The following TMEM117 variants were observed in gnomAD, a reference collection of about 807,000 sequenced individuals.
TMEM117 encodes transmembrane protein 117.
Under a neutral mutation model 52.4 loss-of-function variants are expected in TMEM117, and 27 were observed. The ratio of observed to expected loss-of-function variants is 0.51; its 90% CI spans 0.38 to 0.71. The LOEUF (loss-of-function observed/expected upper bound fraction) is 0.71, where lower values mean the gene tolerates loss of function less well. TMEM117 is among the 30% of genes least tolerant of loss of function. The pLI, the probability that TMEM117 is intolerant of heterozygous loss-of-function variation, is 0.00. For missense variants in TMEM117, 556 were observed against 630.5 expected (o/e 0.88, Z 1.26); for synonymous variants, 215 against 206.3 (o/e 1.04, Z -0.36).
chr12:44,362,461 A>G (rs191190848), intron 6 of TMEM117, among the ~76,000 whole-genome samples: 1 of 152,278 alleles, frequency 6.6e-6, no homozygotes, highest in East Asian at 1.9e-4. Flanking sequence ...GCCTAGAGCC[A>G]TTTCTACCTG....
chr12:44,320,276 C>A lies in TMEM117; in HGVS notation c.768+20537C>A, dbSNP rs368358227. 2.5e-4 allele frequency among the ~76,000 whole-genome samples: 38 copies of A among 152,228 alleles called. No individual in the cohort carries two copies. In the South Asian group the frequency reaches 6.0e-3, roughly 24 times the overall value. On this transcript the variant is annotated intron_variant, in intron 6 of 7. Transcript: ENST00000266534. ...TTGCCAAATATCTTTTGAATCTGCC[C>A]CTCCTTTAGACTCTTATCACCTATA...
chr12:43,880,888 A>G (rs996983233), intron 2 of TMEM117, among the ~76,000 whole-genome samples: 4 of 152,214 alleles, frequency 2.6e-5, no homozygotes, highest in Admixed American at 2.0e-4. Flanking sequence ...TCAACTTGCC[A>G]TTCTTCATGT....
At chr12:43,952,925 A>G (rs1945247653) in intron 3 of TMEM117, among the ~76,000 whole-genome samples, 1 of 152,220 alleles carries the variant, frequency 6.6e-6, no homozygotes, top group Non-Finnish European at 1.5e-5. Flanking sequence ...AGGGAAGCCC[A>G]TCAGACTAAC....
At chr12:44,353,997 T>G (rs575316360) in intron 6 of TMEM117, among the ~76,000 whole-genome samples, 1 of 152,312 alleles carries the variant, frequency 6.6e-6, no homozygotes, top group South Asian at 2.1e-4. Flanking sequence ...TAGTTCTCCT[T>G]GAAGAGGTCC....
intron 3 of TMEM117, among the ~76,000 whole-genome samples, chr12:44,095,816 A>G (rs1947749723): frequency 6.6e-6 from 1 of 152,148 alleles, no homozygotes; most frequent in African/African-American, 2.4e-5. Context: ...CAAGACAGGG[A>G]TGCCCTCCCT....
chr12:44,289,643 C>G (rs1469323056), intron 5 of TMEM117, among the ~76,000 whole-genome samples: 1 of 149,938 alleles, frequency 6.7e-6, no homozygotes, highest in Non-Finnish European at 1.5e-5. Flanking sequence ...ACCTCCGCCT[C>G]TCAGGTTCAA....
the TMEM117 span, among the ~76,000 whole-genome samples, chr12:44,397,185 G>A: frequency 3.3e-5 from 5 of 152,112 alleles, no homozygotes; most frequent in Admixed American, 2.0e-4. Context: ...GTCAGAGGGG[G>A]CAGCTAGAAG....
intron 6 of TMEM117, among the ~76,000 whole-genome samples, chr12:44,332,111 C>G (rs1248868830): frequency 4.6e-5 from 7 of 151,998 alleles, no homozygotes; most frequent in Non-Finnish European, 7.4e-5. Flanking sequence ...AACCAAGTCC[C>G]AGAGAAGACA....
chr12:43,931,448 A>G (rs1398732572), intron 2 of TMEM117, among the ~76,000 whole-genome samples: 1 of 152,220 alleles, frequency 6.6e-6, no homozygotes, highest in Non-Finnish European at 1.5e-5. Context: ...CCCATAATCC[A>G]GAAGAAAAAT....
At chr12:44,337,860 A>G (rs1347781697) in intron 6 of TMEM117, among the ~76,000 whole-genome samples, 1 of 152,106 alleles carries the variant, frequency 6.6e-6, no homozygotes, top group Admixed American at 6.6e-5. Flanking sequence ...GTGCTGATGA[A>G]GAAAAATGTA....
At chr12:43,942,479 A>G (rs1025422332) in intron 2 of TMEM117, among the ~76,000 whole-genome samples, 2 of 152,136 alleles carry the variant, frequency 1.3e-5, no homozygotes, top group African/African-American at 4.8e-5. Context: ...GGGGGCTAGT[A>G]TCATTTGTTT....
chr12:44,032,036 A>G (rs960622389), intron 3 of TMEM117, among the ~76,000 whole-genome samples: 5 of 152,186 alleles, frequency 3.3e-5, no homozygotes, highest in African/African-American at 1.2e-4. Flanking sequence ...CAGGAGCCCA[A>G]AGTTATCCTG....
Position 43,927,323 on chromosome 12 carries a change from A to G in TMEM117, c.278-16887A>G, listed in dbSNP as rs146022603. On this transcript the variant is annotated intron_variant, in intron 2 of 7. Transcript: ENST00000266534. Reference sequence around the variant, plus strand: ...TGTTTTGTCAATTTTAAAGCTTCCAATGCATGTTGGAAGAGAATATGTGTT... The same window carrying G: ...TGTTTTGTCAATTTTAAAGCTTCCAGTGCATGTTGGAAGAGAATATGTGTT... Among the ~76,000 whole-genome samples the G allele has an allele frequency of 7.4e-4, 112 of 152,090 alleles. No homozygotes were observed. The Middle Eastern group carries it at 0.01, about 14-fold the overall frequency.
the TMEM117 span, chr12:43,805,821 G>GA: frequency 3.6e-6 from 5 of 1,377,042 alleles, no homozygotes; most frequent in Non-Finnish European, 4.8e-6. Flanking sequence ...CCATGAAAAA[G>GA]AAAACTCGCC....
intron 3 of TMEM117, among the ~76,000 whole-genome samples, chr12:43,968,792 G>A (rs1781836434): frequency 6.6e-6 from 1 of 152,158 alleles, no homozygotes; most frequent in Admixed American, 6.5e-5. Context: ...GAATAGTGGT[G>A]TAATGCTGTT....
chr12:44,043,849 A>C (rs1409046513), intron 3 of TMEM117, among the ~76,000 whole-genome samples: 1 of 152,248 alleles, frequency 6.6e-6, no homozygotes, highest in Non-Finnish European at 1.5e-5. Context: ...AGGGTTTGGA[A>C]TAATGGTGGA....
chr12:44,006,757 A>G (rs1054693582), intron 3 of TMEM117, among the ~76,000 whole-genome samples: 4 of 152,004 alleles, frequency 2.6e-5, no homozygotes, highest in African/African-American at 9.7e-5. Flanking sequence ...TTTTTTGTTT[A>G]TAAAATATTC....
chr12:43,935,441 C>G (rs578234062), intron 2 of TMEM117, among the ~76,000 whole-genome samples: 3 of 152,092 alleles, frequency 2.0e-5, no homozygotes, highest in East Asian at 3.9e-4. Flanking sequence ...GTCAAGTATT[C>G]TAATATTTAA....
At chr12:44,265,098 C>T (rs562203218) in intron 5 of TMEM117, among the ~76,000 whole-genome samples, 1 of 152,196 alleles carries the variant, frequency 6.6e-6, no homozygotes, top group South Asian at 2.1e-4. Context: ...CAAAAAGAAA[C>T]GAGTGTTTAG....
Sources: gnomAD v4.1 joint callset for allele counts (sites outside exome capture counted in the v4.1 genomes callset) on GRCh38, gnomAD v4.1.1 for gene constraint, MANE v1.5 for transcripts, NCBI Gene and HGNC (gene_info 2026-07-23, HGNC 2026-07-21) for gene names.